Variants in PDSS2 observed in about 807,000 individuals in gnomAD.
PDSS2 encodes the protein all trans-polyprenyl-diphosphate synthase PDSS2.
Under a neutral mutation model 44.5 loss-of-function variants are expected in PDSS2, and 31 were observed. The ratio of observed to expected loss-of-function variants is 0.70; its 90% CI spans 0.52 to 0.94. The LOEUF (loss-of-function observed/expected upper bound fraction) is 0.94. PDSS2 is among the 40% of genes least tolerant of loss of function. The pLI is 0.00. For missense variants in PDSS2, 452 were observed against 482.2 expected, an observed-to-expected ratio of 0.94 and a Z score of 0.59; for synonymous variants, 157 against 180.3, an observed-to-expected ratio of 0.87 and a Z score of 1.03.
At position 107,284,630 on chromosome 6, in the gene PDSS2, C is replaced by T. The variant is rs573106086; in HGVS notation, c.432-10403G>A. Reference sequence around the variant, plus strand: ...GAGCCGAGATGGCGCCATCACACTCCAGCCTGGAGGACAAGAGAAAGACTT... The same window carrying T: ...GAGCCGAGATGGCGCCATCACACTCTAGCCTGGAGGACAAGAGAAAGACTT... On this transcript the variant is annotated intron_variant, in intron 2 of 7. Coordinates refer to ENST00000369037, the MANE Select transcript of PDSS2 (RefSeq NM_020381.4). 8.0e-4 allele frequency among the ~76,000 whole-genome samples: 118 copies of T among 147,692 alleles called. 1 individual carries two copies. Among genetic ancestry groups the T allele is most frequent in the South Asian group, 2.4e-3 (11 of 4,670 alleles).
At chr6:107,385,544 T>C (rs1238773637) in intron 1 of PDSS2, among the ~76,000 whole-genome samples, 1 of 152,216 alleles carries the variant, frequency 6.6e-6, no homozygotes, top group African/African-American at 2.4e-5. Context: ...AACATTTGGA[T>C]ATGTTACACT....
intron 1 of PDSS2, among the ~76,000 whole-genome samples, chr6:107,342,721 A>G (rs73513119): frequency 0.015 from 2,328 of 152,306 alleles, 66 homozygotes; most frequent in African/African-American, 0.054. Flanking sequence ...GAATTGGGGC[A>G]TAAAAGAAAA....
chr6:107,235,435 A>G (rs998307484), intron 4 of PDSS2, among the ~76,000 whole-genome samples: 2 of 152,218 alleles, frequency 1.3e-5, no homozygotes, highest in African/African-American at 4.8e-5. Context: ...ATAGGGCATC[A>G]GTAAAGAACT....
chr6:107,260,138 A>G (rs866330685), intron 3 of PDSS2, among the ~76,000 whole-genome samples: 86 of 152,342 alleles, frequency 5.6e-4, no homozygotes, highest in African/African-American at 1.9e-3. Context: ...ACAGTTTACA[A>G]TATCAGAAAT....
intron 7 of PDSS2, among the ~76,000 whole-genome samples, chr6:107,178,886 C>T (rs527719815): frequency 3.0e-4 from 45 of 152,200 alleles, no homozygotes; most frequent in African/African-American, 1.1e-3. Flanking sequence ...AGAGAATACA[C>T]ATTGTGAAGT....
At chr6:107,208,609 C>CTT (rs74772386) in intron 6 of PDSS2, among the ~76,000 whole-genome samples, 4 of 132,176 alleles carry the variant, frequency 3.0e-5, no homozygotes, top group African/African-American at 8.1e-5. Flanking sequence ...TGGCCTGTGA[C>CTT]TTTTTTTTTT....
At chr6:107,446,044 G>A (rs1037059373) in intron 1 of PDSS2, among the ~76,000 whole-genome samples, 6 of 152,166 alleles carry the variant, frequency 3.9e-5, no homozygotes, top group South Asian at 2.1e-4. Context: ...TTGGCCAGGC[G>A]CGGTGGCTCA....
intron 2 of PDSS2, among the ~76,000 whole-genome samples, chr6:107,286,157 A>G (rs1244290135): frequency 2.0e-5 from 3 of 151,400 alleles, no homozygotes. Flanking sequence ...AAAAGGAAAG[A>G]AAAGAAAACA....
At chr6:107,373,770 C>T (rs1286761500) in intron 1 of PDSS2, among the ~76,000 whole-genome samples, 1 of 152,202 alleles carries the variant, frequency 6.6e-6, no homozygotes, top group African/African-American at 2.4e-5. Context: ...AGCTACGGTT[C>T]TGGCAATCAG....
intron 2 of PDSS2, among the ~76,000 whole-genome samples, chr6:107,302,755 TCAATATGATAGCCGTC>T (rs1179159520): frequency 6.6e-6 from 1 of 151,418 alleles, no homozygotes; most frequent in Non-Finnish European, 1.5e-5. Context: ...TAAAAGTATA[TCAATATGATAGCCGTC>T]AACTGCATGT....
intron 1 of PDSS2, among the ~76,000 whole-genome samples, chr6:107,448,542 T>C (rs937370935): frequency 1.4e-4 from 21 of 152,180 alleles, no homozygotes; most frequent in African/African-American, 4.8e-4. Flanking sequence ...GATTTCATTG[T>C]CCATATCACT....
rs556391562 is a variant in PDSS2 at position 107,430,283 on chromosome 6, C to CA, written c.296+28706dup. The stretch of plus-strand genomic sequence containing the variant: ...GGGAGGCCAAGGTGGGTGGACCACT[C>CA]AAAGCCAGGAGGTCAAGACTAGCCT... On this transcript the variant is annotated intron_variant, in intron 1 of 7. Transcript: ENST00000369037. Among the ~76,000 whole-genome samples the CA allele has an allele frequency of 1.6e-3, 237 of 151,910 alleles. 1 individual carries two copies. The highest frequency in any genetic ancestry group is 2.8e-3 in the Non-Finnish European group (190 of 67,954).
chr6:107,189,357 A>T (rs1187746041), intron 7 of PDSS2, among the ~76,000 whole-genome samples: 1 of 151,712 alleles, frequency 6.6e-6, no homozygotes, highest in Non-Finnish European at 1.5e-5. Flanking sequence ...TTATTTTTTT[A>T]GACAGAGTCT....
intron 1 of PDSS2, among the ~76,000 whole-genome samples, chr6:107,417,525 G>A (rs1780699001): frequency 6.6e-6 from 1 of 152,132 alleles, no homozygotes. Flanking sequence ...TGGGGAGGCC[G>A]AGGCAGCTGG....
intron 1 of PDSS2, among the ~76,000 whole-genome samples, chr6:107,367,090 T>C (rs926785345): frequency 7.3e-5 from 11 of 151,160 alleles, no homozygotes; most frequent in Non-Finnish European, 1.0e-4. Flanking sequence ...CAACAAAATA[T>C]TGGCAAACTG....
intron 2 of PDSS2, among the ~76,000 whole-genome samples, chr6:107,307,618 A>G (rs1776903992): frequency 1.3e-5 from 2 of 151,940 alleles, no homozygotes; most frequent in South Asian, 4.2e-4. Flanking sequence ...TACTTTTCCA[A>G]GTAACCTGAC....
chr6:107,394,230 C>T (rs539675227), intron 1 of PDSS2, among the ~76,000 whole-genome samples: 1 of 152,150 alleles, frequency 6.6e-6, no homozygotes, highest in East Asian at 1.9e-4. Flanking sequence ...ATGTATTTTA[C>T]TTACTGTATT....
At chr6:107,362,200 G>A (rs532127622) in intron 1 of PDSS2, among the ~76,000 whole-genome samples, 82 of 152,262 alleles carry the variant, frequency 5.4e-4, no homozygotes, top group Non-Finnish European at 1.0e-3. Flanking sequence ...AGACCAGAGA[G>A]GGCCCATATA....
intron 1 of PDSS2, among the ~76,000 whole-genome samples, chr6:107,382,146 C>T (rs887689323): frequency 1.3e-5 from 2 of 152,162 alleles, no homozygotes; most frequent in South Asian, 2.1e-4. Flanking sequence ...AATATAAGGT[C>T]GACAAGACTA....
Sources: allele counts gnomAD v4.1 joint callset (sites outside exome capture counted in the v4.1 genomes callset), GRCh38; gene constraint gnomAD v4.1.1; transcripts MANE v1.5; gene names NCBI Gene and HGNC (gene_info 2026-07-23, HGNC 2026-07-21).